The following GPR158 variants were observed in gnomAD, a reference collection of about 807,000 sequenced individuals.
The protein encoded by GPR158 is G protein-coupled receptor 158, also known as metabotropic glycine receptor.
Under a neutral mutation model 78.2 loss-of-function variants are expected in GPR158, and 30 were observed. The observed-to-expected ratio is 0.38, with a 90% CI of 0.29 to 0.52. GPR158 has a LOEUF of 0.52. Among genes scored for constraint, GPR158 ranks in the 20% least tolerant of loss-of-function variants. The pLI, the probability that GPR158 is intolerant of heterozygous loss-of-function variation, is 0.83. For missense variants in GPR158, 1,463 were observed against 1,523.5 expected (o/e 0.96, Z 0.66); for synonymous variants, 581 against 591.1 (o/e 0.98, Z 0.25).
At chr10:25,373,014 G>T (rs908440559) in intron 2 of GPR158, among the ~76,000 whole-genome samples, 36 of 151,732 alleles carry the variant, frequency 2.4e-4, no homozygotes, top group Admixed American at 9.9e-4. Flanking sequence ...GTTCATTGCA[G>T]CACTATTCAT....
At chr10:25,379,271 A>G (rs927212293) in intron 2 of GPR158, among the ~76,000 whole-genome samples, 1 of 148,896 alleles carries the variant, frequency 6.7e-6, no homozygotes, top group African/African-American at 2.6e-5. Context: ...TTGAGATTGA[A>G]TGTCAGGCAT....
chr10:25,325,902 A>ATC (rs889410962), intron 2 of GPR158, among the ~76,000 whole-genome samples: 66 of 144,152 alleles, frequency 4.6e-4, no homozygotes, highest in African/African-American at 1.6e-3. Flanking sequence ...GGCCATTTGT[A>ATC]TTTTTTTTTT....
chr10:25,585,017 C>T (rs1837247996), intron 7 of GPR158, among the ~76,000 whole-genome samples: 1 of 152,156 alleles, frequency 6.6e-6, no homozygotes, highest in Admixed American at 6.5e-5. Flanking sequence ...GGATATTGTC[C>T]AGTGGGAGGT....
chr10:25,452,351 TG>T (rs1372859031), intron 4 of GPR158, among the ~76,000 whole-genome samples: 4 of 152,276 alleles, frequency 2.6e-5, no homozygotes, highest in African/African-American at 9.6e-5. Context: ...TGGCCAAAAT[TG>T]GCTTTTGTAT....
chr10:25,444,655 T>G (rs915371200), intron 4 of GPR158, among the ~76,000 whole-genome samples: 7 of 150,426 alleles, frequency 4.7e-5, no homozygotes, highest in South Asian at 2.1e-4. Context: ...TTTGGAGGGG[T>G]GTGTGTGTGT....
chr10:25,473,576 A>T (rs1835540154), intron 5 of GPR158, among the ~76,000 whole-genome samples: 1 of 152,096 alleles, frequency 6.6e-6, no homozygotes, highest in Non-Finnish European at 1.5e-5. Flanking sequence ...CTGTGAATCC[A>T]TCTGGTGCTG....
intron 2 of GPR158, among the ~76,000 whole-genome samples, chr10:25,251,984 C>G (rs1478389407): frequency 6.6e-6 from 1 of 151,870 alleles, no homozygotes; most frequent in Admixed American, 6.6e-5. Context: ...TTCACATAGT[C>G]CCATATTTCT....
At chr10:25,379,003 C>A (rs1383989224) in intron 2 of GPR158, among the ~76,000 whole-genome samples, 1 of 152,066 alleles carries the variant, frequency 6.6e-6, no homozygotes, top group Non-Finnish European at 1.5e-5. Flanking sequence ...GTTGCCCAGG[C>A]TGGTCTCAAA....
chr10:25,597,707 T>C (rs1837427542), intron 10 of GPR158, 65 bp from the exon 11 acceptor site: 8 of 1,298,460 alleles, frequency 6.2e-6, no homozygotes, highest in Non-Finnish European at 8.4e-6. Context: ...CAATACCATG[T>C]AGTGATCTTC....
intron 1 of GPR158, among the ~76,000 whole-genome samples, chr10:25,178,922 G>A (rs1311565753): frequency 1.3e-5 from 2 of 152,144 alleles, no homozygotes; most frequent in Admixed American, 6.5e-5. Context: ...TCCTATACTT[G>A]ATAAATATAT....
At chr10:25,310,412 A>G (rs2130461575) in intron 2 of GPR158, among the ~76,000 whole-genome samples, 1 of 152,152 alleles carries the variant, frequency 6.6e-6, no homozygotes, top group Non-Finnish European at 1.5e-5. Context: ...TTTAGGGTGG[A>G]TTTTTGTGTT....
chr10:25,222,195 C>T (rs961373347), intron 2 of GPR158, among the ~76,000 whole-genome samples: 2 of 152,022 alleles, frequency 1.3e-5, no homozygotes, highest in African/African-American at 4.8e-5. Context: ...CACACACAAC[C>T]CACATACCCC....
chr10:25,320,081 A>G (rs575865731), intron 2 of GPR158, among the ~76,000 whole-genome samples: 20 of 152,306 alleles, frequency 1.3e-4, no homozygotes, highest in Middle Eastern at 3.4e-3. Context: ...ACACTGTTTT[A>G]TAAACATATT....
chr10:25,287,319 C>T (rs1451686782), intron 2 of GPR158, among the ~76,000 whole-genome samples: 1 of 152,028 alleles, frequency 6.6e-6, no homozygotes. Context: ...TCCACCAGTA[C>T]TTGAAGGCAT....
At chr10:25,186,089 C>T (rs1401746324) in intron 1 of GPR158, among the ~76,000 whole-genome samples, 3 of 152,298 alleles carry the variant, frequency 2.0e-5, no homozygotes, top group Middle Eastern at 3.4e-3. Flanking sequence ...CACTCAACTA[C>T]ATGGAAACTG....
rs946244005 is a variant in GPR158, at chr10:25,422,858, C to CCT, written c.1335+10385_1335+10386insCT. 6.3e-5 allele frequency among the ~76,000 whole-genome samples: 9 copies of CCT among 142,160 alleles called. No homozygotes were observed. The East Asian group carries it at 1.6e-3, about 25-fold the overall frequency. 93.3% of individuals were successfully genotyped at this position (142,160 alleles called of 152,430 possible). A position where few individuals can be genotyped will look rare whatever the true frequency, so the allele number is the denominator to read the frequency against. On this transcript the variant is annotated intron_variant, in intron 4 of 10. Transcript: ENST00000376351. ...CAGTCTTTTATTCCCTTACCCCCCC[C>CCT]ACACTTTCCCCCAAGTCCCCAAAGT... is the stretch of plus-strand genomic sequence containing the variant.
chr10:25,276,128 C>T (rs915029), intron 2 of GPR158, among the ~76,000 whole-genome samples: 9,759 of 152,166 alleles, frequency 0.064, 538 homozygotes, highest in East Asian at 0.25. Context: ...TTGATCCCTG[C>T]GGCTTGAGGT....
At chr10:25,253,342 A>G (rs185397499) in intron 2 of GPR158, among the ~76,000 whole-genome samples, 1 of 152,092 alleles carries the variant, frequency 6.6e-6, no homozygotes, top group Non-Finnish European at 1.5e-5. Flanking sequence ...ACCTCCCCCC[A>G]ATTTATTCTT....
intron 1 of GPR158, among the ~76,000 whole-genome samples, chr10:25,196,947 C>T (rs1269209462): frequency 1.3e-5 from 2 of 152,200 alleles, no homozygotes; most frequent in Non-Finnish European, 2.9e-5. Flanking sequence ...TGAGCATTTT[C>T]GACCTGTGCT....
Sources: allele counts gnomAD v4.1 joint callset (sites outside exome capture counted in the v4.1 genomes callset), GRCh38; gene constraint gnomAD v4.1.1; transcripts MANE v1.5; gene names NCBI Gene and HGNC (gene_info 2026-07-23, HGNC 2026-07-21).